MRPS27: variants seen among roughly 807,000 people sequenced by gnomAD.
MRPS27 encodes small ribosomal subunit protein mS27.
Under a neutral mutation model 48.9 loss-of-function variants are expected in MRPS27, and 43 were observed. The ratio of observed to expected loss-of-function variants is 0.88; its 90% CI spans 0.69 to 1.13. The LOEUF (loss-of-function observed/expected upper bound fraction) is 1.13. Ranked by LOEUF, MRPS27 falls within the 50% of genes most tolerant of loss-of-function variation. The pLI is 0.00. For missense variants in MRPS27, 467 were observed against 476.3 expected (o/e 0.98, Z 0.18); for synonymous variants, 188 against 171.9 (o/e 1.09, Z -0.73).
chr5:72,242,442 A>AC (rs1357375910), intron 4 of MRPS27, among the ~76,000 whole-genome samples: 4 of 151,654 alleles, frequency 2.6e-5, no homozygotes, highest in Admixed American at 6.6e-5. Context: ...AAAAAAAAAA[A>AC]AACACCACAG....
chr5:72,219,785 G>A lies in MRPS27; in HGVS notation c.*1124C>T, dbSNP rs901614679. ...AGAAATGTGTGTTCACAAGTTGTGTGTGCATGCACATGTGCCTCTGTGTGT... is the reference window on the plus strand; with the variant it reads ...AGAAATGTGTGTTCACAAGTTGTGTATGCATGCACATGTGCCTCTGTGTGT... On this transcript the variant is annotated 3_prime_UTR_variant, in exon 11 of 11. Transcript: ENST00000261413. 1.3e-5 allele frequency: 2 copies of A among 152,164 alleles called. No homozygotes were observed. Among genetic ancestry groups the A allele is most frequent in the African/African-American group, 4.8e-5 (2 of 41,412 alleles). 9.4% of individuals were successfully genotyped at this position (152,164 alleles called of 1,614,324 possible).
At chr5:72,291,986 G>A (rs1482491880) in intron 4 of MRPS27, among the ~76,000 whole-genome samples, 2 of 152,158 alleles carry the variant, frequency 1.3e-5, no homozygotes, top group South Asian at 2.1e-4. Flanking sequence ...CCAACCTCCC[G>A]GCTTAAACTA....
In MRPS27 at chr5:72,232,554, A is replaced by G; in HGVS notation, c.480T>C (p.Ala160=). 2 of 1,600,578 alleles carry G rather than the reference A, an allele frequency of 1.2e-6. No homozygotes were observed. Among genetic ancestry groups the G allele is most frequent in the East Asian group, 4.5e-5 (2 of 44,752 alleles). Residue 160 remains alanine (A), a synonymous_variant, in exon 7 of 11, where the codon GCT becomes GCC. Coordinates refer to ENST00000261413, the MANE Select transcript of MRPS27 (RefSeq NM_015084.3). ...TCATGACCTCAAAAACCACAGATAA[A>G]GCATCTAGCAGAAGATGAAAGTAAA... The part of the protein sequence containing the change: ...SFIKKENYKD[A]LSVVFEVMMQ...
intron 4 of MRPS27, among the ~76,000 whole-genome samples, chr5:72,255,641 G>C (rs1221402132): frequency 1.3e-5 from 2 of 152,154 alleles, no homozygotes; most frequent in East Asian, 1.9e-4. Context: ...GCTTTTTAAA[G>C]ATTATTTCAT....
In MRPS27 at chr5:72,241,743, T is replaced by C. The variant is rs1748356528; in HGVS notation, c.282-3615A>G. 3 of 1,509,602 alleles carry C rather than the reference T, an allele frequency of 2.0e-6. No homozygotes were observed. The African/African-American group carries it at 4.1e-5, about 21-fold the overall frequency. 93.5% of individuals were successfully genotyped at this position (1,509,602 alleles called of 1,614,324 possible). A position where few individuals can be genotyped will look rare whatever the true frequency, so the allele number is the denominator to read the frequency against. On this transcript the variant is annotated intron_variant, in intron 4 of 10. Coordinates refer to ENST00000261413, the MANE Select transcript of MRPS27 (RefSeq NM_015084.3). Reference sequence around the variant, plus strand: ...TACAACTAACACATTGATTTTCCAATTTGCCTGCAAACAGACTGGCTTTTG... The same window carrying C: ...TACAACTAACACATTGATTTTCCAACTTGCCTGCAAACAGACTGGCTTTTG...
intron 4 of MRPS27, among the ~76,000 whole-genome samples, chr5:72,267,893 T>C (rs906525670): frequency 6.6e-6 from 1 of 152,114 alleles, no homozygotes; most frequent in Non-Finnish European, 1.5e-5. Flanking sequence ...AGGGAACTTA[T>C]GTGAATCACT....
At chr5:72,316,978 G>A (rs549070816) in intron 1 of MRPS27, among the ~76,000 whole-genome samples, 13 of 149,840 alleles carry the variant, frequency 8.7e-5, no homozygotes, top group African/African-American at 3.2e-4. Context: ...GTGGTGAGCC[G>A]AGATCACGCC....
chr5:72,245,007 G>A lies in MRPS27; in HGVS notation c.282-6879C>T, dbSNP rs77204649. Among the ~76,000 whole-genome samples the A allele has an allele frequency of 3.7e-3, 568 of 152,304 alleles. 1 individual carries two copies. Among genetic ancestry groups the A allele is most frequent in the African/African-American group, 0.013 (552 of 41,560 alleles). On this transcript the variant is annotated intron_variant, in intron 4 of 10. Coordinates refer to ENST00000261413, the MANE Select transcript of MRPS27 (RefSeq NM_015084.3). ...AGAGCAATATGTGTAGATAACCAGGGAGGATTACTTGTGGGGAGAATGGGA... is the reference window on the plus strand; with the variant it reads ...AGAGCAATATGTGTAGATAACCAGGAAGGATTACTTGTGGGGAGAATGGGA...
intron 2 of MRPS27, among the ~76,000 whole-genome samples, chr5:72,298,738 A>AAAAAAC (rs1750052465): frequency 6.6e-6 from 1 of 151,142 alleles, no homozygotes; most frequent in African/African-American, 2.4e-5. Context: ...AAAAAAAAAA[A>AAAAAAC]CAGAGCTACC....
intron 2 of MRPS27, among the ~76,000 whole-genome samples, chr5:72,309,620 A>G (rs961097592): frequency 1.3e-5 from 2 of 152,170 alleles, no homozygotes; most frequent in Admixed American, 1.3e-4. Flanking sequence ...GGTATCCATG[A>G]CAATGTTCCC....
intron 4 of MRPS27, among the ~76,000 whole-genome samples, chr5:72,251,844 G>A (rs1748674302): frequency 6.6e-6 from 1 of 152,182 alleles, no homozygotes; most frequent in Non-Finnish European, 1.5e-5. Context: ...ATTTGCTGCT[G>A]AGCAAGCCAC....
intron 10 of MRPS27, 38 bp downstream of exon 10, chr5:72,223,645 A>T: frequency 6.2e-7 from 1 of 1,609,790 alleles, no homozygotes; most frequent in Non-Finnish European, 8.5e-7. Context: ...AGTGTGTTTT[A>T]TGCGCTGCTA....
At chr5:72,239,082 G>T (rs1748284003) in intron 4 of MRPS27, among the ~76,000 whole-genome samples, 1 of 152,118 alleles carries the variant, frequency 6.6e-6, no homozygotes, top group Non-Finnish European at 1.5e-5. Flanking sequence ...CATTCAGGAA[G>T]CAGGCCAATC....
chr5:72,244,159 T>C (rs1748443518), intron 4 of MRPS27, among the ~76,000 whole-genome samples: 1 of 152,096 alleles, frequency 6.6e-6, no homozygotes, highest in African/African-American at 2.4e-5. Flanking sequence ...GCCCTACATA[T>C]AGTCATTAGA....
At chr5:72,250,528 C>A (rs1028996832) in intron 4 of MRPS27, among the ~76,000 whole-genome samples, 9 of 152,206 alleles carry the variant, frequency 5.9e-5, no homozygotes, top group Non-Finnish European at 1.0e-4. Context: ...ACTAATTGCA[C>A]TGCCACCAGG....
In MRPS27 at chr5:72,291,986, G is replaced by T. The variant is rs1482491880; in HGVS notation, c.281+3545C>A. Among the ~76,000 whole-genome samples, 4 of 152,158 alleles carry T rather than the reference G, an allele frequency of 2.6e-5. No homozygotes were observed. In the East Asian group the frequency reaches 7.7e-4, roughly 29 times the overall value. ...CCTATGCCTATTTTCCCAACCTCCCGGCTTAAACTATACATATCGTATAAA... is the reference window on the plus strand; with the variant it reads ...CCTATGCCTATTTTCCCAACCTCCCTGCTTAAACTATACATATCGTATAAA... On this transcript the variant is annotated intron_variant, in intron 4 of 10. Coordinates refer to ENST00000261413, the MANE Select transcript of MRPS27 (RefSeq NM_015084.3).
chr5:72,241,545 C>G, intron 4 of MRPS27: 2 of 1,155,982 alleles, frequency 1.7e-6, no homozygotes, highest in Non-Finnish European at 2.5e-6. Flanking sequence ...AGAAGAATTC[C>G]TGTTGGTGAC....
At chr5:72,271,029 A>G (rs1749227687) in intron 4 of MRPS27, among the ~76,000 whole-genome samples, 2 of 152,182 alleles carry the variant, frequency 1.3e-5, no homozygotes, top group South Asian at 4.1e-4. Flanking sequence ...TACAGCTAAC[A>G]TCGTTAATGG....
chr5:72,298,354 G>A (rs964016127), intron 2 of MRPS27, among the ~76,000 whole-genome samples: 1 of 152,094 alleles, frequency 6.6e-6, no homozygotes, highest in African/African-American at 2.4e-5. Context: ...AGTCAGAATG[G>A]CTATTATTAA....
Sources: allele counts gnomAD v4.1 joint callset (sites outside exome capture counted in the v4.1 genomes callset), GRCh38; gene constraint gnomAD v4.1.1; transcripts MANE v1.5; gene names NCBI Gene and HGNC (gene_info 2026-07-23, HGNC 2026-07-21).